Variants in XKR4 observed in about 807,000 individuals in gnomAD.
The protein encoded by XKR4 is XK-related protein 4.
XKR4 carries 12 observed loss-of-function variants against 53.9 expected under a neutral mutation model. The ratio of observed to expected loss-of-function variants is 0.22; its 90% CI spans 0.14 to 0.36. The LOEUF is 0.36. XKR4 is among the 10% of genes least tolerant of loss of function. XKR4 has a pLI of 1.00. For missense variants in XKR4, 799 were observed against 859.5 expected (o/e 0.93, Z 0.88); for synonymous variants, 354 against 362.4 (o/e 0.98, Z 0.26).
chr8:55,424,291 C>T (rs1321572278), intron 2 of XKR4, among the ~76,000 whole-genome samples: 1 of 152,218 alleles, frequency 6.6e-6, no homozygotes, highest in South Asian at 2.1e-4. Context: ...GACACACAGG[C>T]AGGGTGCCAA....
Position 55,449,790 on chromosome 8 carries a change from G to A in XKR4, c.1007-73491G>A, listed in dbSNP as rs560546583. 9.2e-6 allele frequency: 11 copies of A among 1,193,726 alleles called. No homozygotes were observed. The South Asian group carries it at 1.3e-4, about 14-fold the overall frequency. The allele number at this position is 1,193,726 out of a possible 1,614,324, so 73.9% of individuals were successfully genotyped here. ...AACATGAACCAGCGGGCCTTCCAGG[G>A]CTTCATGAAGGCCCCCTTCTTGTAC... On this transcript the variant is annotated intron_variant, in intron 2 of 2. Coordinates refer to ENST00000327381, the MANE Select transcript of XKR4 (RefSeq NM_052898.2).
intron 2 of XKR4, among the ~76,000 whole-genome samples, chr8:55,507,904 G>GA (rs762932838): frequency 3.0e-4 from 45 of 152,164 alleles, no homozygotes; most frequent in Non-Finnish European, 5.4e-4. Context: ...TCTAGTTCTA[G>GA]ATCCCTGAGG....
intron 1 of XKR4, among the ~76,000 whole-genome samples, chr8:55,157,564 G>A (rs1053791950): frequency 2.0e-5 from 3 of 151,926 alleles, no homozygotes; most frequent in Admixed American, 1.3e-4. Flanking sequence ...GTGCAGGTTT[G>A]TGGTACAGGT....
At chr8:55,252,973 G>A (rs1046462599) in intron 1 of XKR4, among the ~76,000 whole-genome samples, 3 of 152,120 alleles carry the variant, frequency 2.0e-5, no homozygotes, top group African/African-American at 7.2e-5. Flanking sequence ...GGCAGGGGAT[G>A]GAACATAGGG....
At chr8:55,511,375 G>A (rs1332770685) in intron 2 of XKR4, among the ~76,000 whole-genome samples, 4 of 152,154 alleles carry the variant, frequency 2.6e-5, no homozygotes, top group African/African-American at 9.7e-5. Flanking sequence ...AGCAGACAAA[G>A]GAAGTGTCCG....
At chr8:55,387,297 C>A (rs1336331724) in intron 2 of XKR4, among the ~76,000 whole-genome samples, 1 of 152,182 alleles carries the variant, frequency 6.6e-6, no homozygotes, top group Non-Finnish European at 1.5e-5. Context: ...TGGGGATCTG[C>A]CATTTCACTC....
At chr8:55,110,959 G>C (rs1438553118) in intron 1 of XKR4, among the ~76,000 whole-genome samples, 1 of 152,098 alleles carries the variant, frequency 6.6e-6, no homozygotes, top group Non-Finnish European at 1.5e-5. Context: ...ACTAGAGAAA[G>C]ATTAAAAGGA....
At chr8:55,109,043 A>G (rs577594361) in intron 1 of XKR4, among the ~76,000 whole-genome samples, 1 of 152,306 alleles carries the variant, frequency 6.6e-6, no homozygotes, top group Admixed American at 6.5e-5. Flanking sequence ...TGGAAGAGGC[A>G]TTGGACTTTT....
At chr8:55,138,483 A>G (rs1816660364) in intron 1 of XKR4, among the ~76,000 whole-genome samples, 1 of 152,216 alleles carries the variant, frequency 6.6e-6, no homozygotes, top group South Asian at 2.1e-4. Flanking sequence ...ATAGATACAA[A>G]TGAAGTCTTT....
At chr8:55,318,003 AG>A (rs1390101771) in intron 1 of XKR4, among the ~76,000 whole-genome samples, 3 of 152,264 alleles carry the variant, frequency 2.0e-5, no homozygotes, top group African/African-American at 7.2e-5. Context: ...ATTCATTCAC[AG>A]GAACCAAGTA....
At chr8:55,256,391 G>T (rs114371503) in intron 1 of XKR4, among the ~76,000 whole-genome samples, 91 of 152,314 alleles carry the variant, frequency 6.0e-4, no homozygotes, top group African/African-American at 2.2e-3. Context: ...AGAAAGATGA[G>T]ACTGGGTTCT....
At chr8:55,375,852 C>T (rs572955908) in intron 2 of XKR4, among the ~76,000 whole-genome samples, 6 of 151,992 alleles carry the variant, frequency 3.9e-5, no homozygotes, top group Admixed American at 2.6e-4. Context: ...GCCCCGCATG[C>T]GTTAGCTCTT....
At chr8:55,294,221 T>G (rs946877738) in intron 1 of XKR4, among the ~76,000 whole-genome samples, 3 of 152,184 alleles carry the variant, frequency 2.0e-5, no homozygotes, top group African/African-American at 7.2e-5. Context: ...TCCCAAGCCC[T>G]CTCTATCATC....
At chr8:55,197,133 C>CTA (rs1817516477) in intron 1 of XKR4, among the ~76,000 whole-genome samples, 1 of 152,128 alleles carries the variant, frequency 6.6e-6, no homozygotes, top group Non-Finnish European at 1.5e-5. Context: ...GTTTGAGGGG[C>CTA]TATGATAATG....
chr8:55,325,419 G>T (rs1803278382), intron 1 of XKR4, among the ~76,000 whole-genome samples: 1 of 152,082 alleles, frequency 6.6e-6, no homozygotes, highest in Admixed American at 6.5e-5. Context: ...AAGCAGGGGG[G>T]CAGAAAGATG....
At chr8:55,296,421 G>T (rs888835986) in intron 1 of XKR4, among the ~76,000 whole-genome samples, 1 of 152,106 alleles carries the variant, frequency 6.6e-6, no homozygotes, top group African/African-American at 2.4e-5. Context: ...TTGGGCAGGA[G>T]CTAATGGTTT....
Position 55,536,573 on chromosome 8 carries a change from T to A in XKR4, c.*12346T>A, listed in dbSNP as rs1005803363. The A allele has an allele frequency of 1.1e-4, 15 of 141,006 alleles. No homozygotes were observed. The highest frequency in any genetic ancestry group is 3.7e-4 in the African/African-American group (15 of 40,012). The allele number at this position is 141,006 out of a possible 1,614,324, so 8.7% of individuals were successfully genotyped here. ...AATCATACAGTTTTCCGTCTGGGTG[T>A]CTGGTGTTTCTGGATAGACAGACTG... is the stretch of plus-strand genomic sequence containing the variant. On this transcript the variant is annotated 3_prime_UTR_variant, in exon 3 of 3. Coordinates refer to ENST00000327381, the MANE Select transcript of XKR4 (RefSeq NM_052898.2).
At chr8:55,362,180 T>C (rs941484609) in intron 2 of XKR4, among the ~76,000 whole-genome samples, 5 of 152,164 alleles carry the variant, frequency 3.3e-5, no homozygotes, top group African/African-American at 9.7e-5. Context: ...CAGGGAATCT[T>C]ATGGAAAAGC....
Position 55,247,835 on chromosome 8 carries a change from T to TTTTCTTTCTTTCTTTCTTTCTTTC in XKR4, c.807-109820_807-109819insCTTTCTTTCTTTCTTTCTTTCTTT, listed in dbSNP as rs374604470. 2.6e-3 allele frequency among the ~76,000 whole-genome samples: 169 copies of TTTTCTTTCTTTCTTTCTTTCTTTC among 65,118 alleles called. 30 individuals carry two copies. Among genetic ancestry groups the TTTTCTTTCTTTCTTTCTTTCTTTC allele is most frequent in the Middle Eastern group, 0.019 (2 of 106 alleles). 42.7% of individuals were successfully genotyped at this position (65,118 alleles called of 152,430 possible). On this transcript the variant is annotated intron_variant, in intron 1 of 2. Coordinates refer to ENST00000327381, the MANE Select transcript of XKR4 (RefSeq NM_052898.2). ...TTACATTATTAATTTTAATTTTTCT[T>TTTTCTTTCTTTCTTTCTTTCTTTC]TTTCTTTCTTTCTTTCTTTCTTTTT...
Sources: gnomAD v4.1 joint callset for allele counts (sites outside exome capture counted in the v4.1 genomes callset) on GRCh38, gnomAD v4.1.1 for gene constraint, MANE v1.5 for transcripts, NCBI Gene and HGNC (gene_info 2026-07-23, HGNC 2026-07-21) for gene names.